SNAP23: variants seen among roughly 807,000 people sequenced by gnomAD.
The protein encoded by SNAP23 is synaptosome associated protein 23.
Under a neutral mutation model 29.0 loss-of-function variants are expected in SNAP23, and 11 were observed. The observed-to-expected ratio is 0.38, with a 90% CI of 0.24 to 0.63. The LOEUF (loss-of-function observed/expected upper bound fraction) is 0.63, where lower values mean the gene tolerates loss of function less well. SNAP23 is among the 20% of genes least tolerant of loss of function. The pLI is 0.58. For missense variants in SNAP23, 220 were observed against 253.9 expected, an observed-to-expected ratio of 0.87 and a Z score of 0.91; for synonymous variants, 60 against 82.9, an observed-to-expected ratio of 0.72 and a Z score of 1.50.
chr15:42,521,810 T>C (rs2057451991), intron 5 of SNAP23: 1 of 457,324 alleles, frequency 2.2e-6, no homozygotes, highest in African/African-American at 2.0e-5. Context: ...GTGAATTTGT[T>C]CTTGATGGGT....
chr15:42,517,221 A>G (rs1056063516), intron 5 of SNAP23, among the ~76,000 whole-genome samples: 1 of 152,194 alleles, frequency 6.6e-6, no homozygotes, highest in Non-Finnish European at 1.5e-5. Context: ...CTCCCGGCCA[A>G]AAGTTCATAT....
upstream of SNAP23, among the ~76,000 whole-genome samples, chr15:42,494,708 G>A (rs957631023): frequency 1.3e-5 from 2 of 151,830 alleles, no homozygotes; most frequent in African/African-American, 2.4e-5. Flanking sequence ...GTAGAGATGG[G>A]GTTTCTCTAT....
At chr15:42,524,257 C>T (rs1287490079) in intron 5 of SNAP23, among the ~76,000 whole-genome samples, 1 of 152,094 alleles carries the variant, frequency 6.6e-6, no homozygotes, top group Non-Finnish European at 1.5e-5. Context: ...CTAAATGTCC[C>T]ACTGACCTTA....
chr15:42,515,934 G>A (rs1444744157), intron 5 of SNAP23, among the ~76,000 whole-genome samples: 2 of 152,156 alleles, frequency 1.3e-5, no homozygotes, highest in Non-Finnish European at 2.9e-5. Context: ...GAAGGATTTG[G>A]ATGAACAGGG....
chr15:42,506,102 C>T (rs912580500), intron 1 of SNAP23, among the ~76,000 whole-genome samples: 3 of 151,810 alleles, frequency 2.0e-5, no homozygotes, highest in Admixed American at 2.0e-4. Flanking sequence ...CCCACCACCA[C>T]ACCTGGCTAA....
intron 5 of SNAP23, among the ~76,000 whole-genome samples, chr15:42,527,674 T>G (rs1210655290): frequency 6.6e-6 from 1 of 151,372 alleles, no homozygotes; most frequent in East Asian, 2.0e-4. Flanking sequence ...GTTTGAGAGA[T>G]GGGTTTTTGC....
At chr15:42,494,150 C>A (rs1331197126), upstream of SNAP23, among the ~76,000 whole-genome samples, 1 of 151,892 alleles carries the variant, frequency 6.6e-6, no homozygotes, top group African/African-American at 2.4e-5. Context: ...AATCTTGATC[C>A]TTCATCATTC....
intron 7 of SNAP23, among the ~76,000 whole-genome samples, chr15:42,530,735 G>A (rs1023079317): frequency 5.9e-5 from 9 of 152,132 alleles, no homozygotes; most frequent in African/African-American, 2.2e-4. Context: ...GGGCAACAGA[G>A]TGAGACCCTT....
rs1160017688 is a variant in SNAP23, at chr15:42,533,040, A to G, written c.*1562A>G. ...CAATAACCACTGCTTGATCCTTACA[A>G]TTAAATTTTTTAACTAACTAATGGT... On this transcript the variant is annotated 3_prime_UTR_variant, in exon 8 of 8. Transcript: ENST00000249647. 2 of 152,680 alleles carry G rather than the reference A, an allele frequency of 1.3e-5. No individual in the cohort carries two copies. Among genetic ancestry groups the G allele is most frequent in the African/African-American group, 4.8e-5 (2 of 41,466 alleles). The allele number at this position is 152,680 out of a possible 1,614,324, so 9.5% of individuals were successfully genotyped here.
rs138628466 is a variant in SNAP23 at position 42,518,489 on chromosome 15, G to A, written c.266+3135G>A. ...CTCGCTCTGTTACCCAGGCTGGAGT[G>A]CAGTGGCAGTCATGGCTCACTGCAG... On this transcript the variant is annotated intron_variant, in intron 5 of 7. Coordinates refer to ENST00000249647, the MANE Select transcript of SNAP23 (RefSeq NM_003825.4). Among the ~76,000 whole-genome samples, 15 of 146,058 alleles carry A rather than the reference G, an allele frequency of 1.0e-4. No individual in the cohort carries two copies. The East Asian group carries it at 2.9e-3, about 28-fold the overall frequency.
At chr15:42,493,288 G>C (rs1268640375), upstream of SNAP23, among the ~76,000 whole-genome samples, 2 of 151,854 alleles carry the variant, frequency 1.3e-5, no homozygotes, top group African/African-American at 4.8e-5. Context: ...GCAGTGAGCT[G>C]ACATCACACC....
intron 1 of SNAP23, among the ~76,000 whole-genome samples, chr15:42,506,338 A>C (rs543793234): frequency 1.3e-5 from 2 of 152,190 alleles, no homozygotes; most frequent in South Asian, 4.2e-4. Context: ...CCCAGGCTCA[A>C]GTGAACCTCC....
At chr15:42,525,732 T>G (rs530732421) in intron 5 of SNAP23, among the ~76,000 whole-genome samples, 11 of 151,886 alleles carry the variant, frequency 7.2e-5, no homozygotes, top group Non-Finnish European at 1.6e-4. Context: ...AAAGTGCTGG[T>G]ATTACAGGTG....
intron 5 of SNAP23, among the ~76,000 whole-genome samples, chr15:42,521,084 G>A (rs1049192354): frequency 6.6e-6 from 1 of 152,174 alleles, no homozygotes; most frequent in East Asian, 1.9e-4. Flanking sequence ...CTCTGGCCCT[G>A]CCTGTTTTAT....
At chr15:42,523,177 GAA>G (rs79670795) in intron 5 of SNAP23, among the ~76,000 whole-genome samples, 13 of 135,398 alleles carry the variant, frequency 9.6e-5, no homozygotes, top group African/African-American at 2.1e-4. Flanking sequence ...GTTTAAGTGG[GAA>G]AAAAAAAAAA....
intron 2 of SNAP23, 38 bp from the exon 3 acceptor site, chr15:42,512,917 C>T (rs1259113027): frequency 3.9e-6 from 6 of 1,525,372 alleles, no homozygotes; most frequent in Admixed American, 3.5e-5. Flanking sequence ...TTTTTTTCTA[C>T]ATATTTTGGA....
At position 42,496,437 on chromosome 15, in the gene SNAP23, C is replaced by A. The variant is rs570213570; in HGVS notation, c.-15+724C>A. Among the ~76,000 whole-genome samples, 7 of 152,286 alleles carry A rather than the reference C, an allele frequency of 4.6e-5. No individual in the cohort carries two copies. The South Asian group carries it at 1.5e-3, about 32-fold the overall frequency. Reference sequence around the variant, plus strand: ...CACTGCTATAAAGAAGTACCCAAGGCCGGGCTTGGTGGCTAACGCCTGTAA... The same window carrying A: ...CACTGCTATAAAGAAGTACCCAAGGACGGGCTTGGTGGCTAACGCCTGTAA... On this transcript the variant is annotated intron_variant, in intron 1 of 7. Transcript: ENST00000249647.
chr15:42,519,211 C>T (rs2057423263), intron 5 of SNAP23, among the ~76,000 whole-genome samples: 4 of 151,770 alleles, frequency 2.6e-5, no homozygotes, highest in Admixed American at 1.3e-4. Flanking sequence ...CCTGCCACCA[C>T]GCCCAGCTAA....
chr15:42,508,043 C>G (rs2057328437), intron 1 of SNAP23, among the ~76,000 whole-genome samples: 1 of 151,730 alleles, frequency 6.6e-6, no homozygotes. Context: ...ATTGCTTGAC[C>G]CCAAAAGTTT....
Sources: gnomAD v4.1 joint callset for allele counts (sites outside exome capture counted in the v4.1 genomes callset) on GRCh38, gnomAD v4.1.1 for gene constraint, MANE v1.5 for transcripts, NCBI Gene and HGNC (gene_info 2026-07-23, HGNC 2026-07-21) for gene names.